Variants in TSC22D1 observed in about 807,000 individuals in gnomAD.
The protein encoded by TSC22D1 is TSC22 domain family protein 1.
A neutral mutation model predicts 74.2 loss-of-function variants in TSC22D1; 9 were observed. The observed-to-expected ratio is 0.12, with a 90% CI of 0.07 to 0.21. The LOEUF (loss-of-function observed/expected upper bound fraction) is 0.21, where lower values mean the gene tolerates loss of function less well. TSC22D1 is among the 10% of genes least tolerant of loss of function. The probability of loss-of-function intolerance (pLI) is 1.00; values close to 1 mark genes in which losing one functional copy is unlikely to be tolerated. For missense variants in TSC22D1, 1,427 were observed against 1,304.7 expected, an observed-to-expected ratio of 1.09 and a Z score of -1.44; for synonymous variants, 586 against 492.5, an observed-to-expected ratio of 1.19 and a Z score of -2.51.
intron 1 of TSC22D1, among the ~76,000 whole-genome samples, chr13:44,455,379 C>G (rs1403265481): frequency 6.6e-6 from 1 of 152,162 alleles, no homozygotes; most frequent in African/African-American, 2.4e-5. Flanking sequence ...TACAAGAGAT[C>G]TCTCTCACTT....
At chr13:44,443,807 G>A (rs1875395996) in intron 1 of TSC22D1, among the ~76,000 whole-genome samples, 1 of 152,192 alleles carries the variant, frequency 6.6e-6, no homozygotes, top group Non-Finnish European at 1.5e-5. Context: ...GAAATATACT[G>A]CTGAGTACAC....
intron 1 of TSC22D1, among the ~76,000 whole-genome samples, chr13:44,480,825 T>C (rs1005168475): frequency 2.6e-5 from 4 of 152,180 alleles, no homozygotes; most frequent in African/African-American, 9.7e-5. Flanking sequence ...TTTTTGGTTG[T>C]TTTACATAGA....
At chr13:44,532,575 G>A (rs542808336) in intron 1 of TSC22D1, among the ~76,000 whole-genome samples, 13 of 152,098 alleles carry the variant, frequency 8.5e-5, no homozygotes, top group Non-Finnish European at 1.6e-4. Context: ...CCAGGTCCTC[G>A]CCATTCTCCT....
rs1877387621 is a variant in TSC22D1, at chr13:44,467,981, G to C, written c.2913-31886C>G. On this transcript the variant is annotated intron_variant, in intron 1 of 2. Transcript: ENST00000458659. Reference sequence around the variant, plus strand: ...ATAATTCACAATTGCAAAAATATGGGATCAACCTATACACACACGCGCACA... The same window carrying C: ...ATAATTCACAATTGCAAAAATATGGCATCAACCTATACACACACGCGCACA... 1.3e-5 allele frequency among the ~76,000 whole-genome samples: 2 copies of C among 151,176 alleles called. 1 individual carries two copies. The highest frequency in any genetic ancestry group is 4.2e-4 in the South Asian group (2 of 4,776).
chr13:44,533,990 G>A (rs938631622), intron 1 of TSC22D1, among the ~76,000 whole-genome samples: 6 of 152,046 alleles, frequency 3.9e-5, no homozygotes, highest in African/African-American at 1.2e-4. Flanking sequence ...GCCCATGCCC[G>A]TAATCTCAAC....
intron 1 of TSC22D1, among the ~76,000 whole-genome samples, chr13:44,504,099 T>C (rs1317964034): frequency 1.3e-5 from 2 of 151,792 alleles, no homozygotes; most frequent in East Asian, 3.9e-4. Context: ...AAGTGCTTCT[T>C]TGTCAGACCC....
At position 44,471,770 on chromosome 13, in the gene TSC22D1, G is replaced by A. The variant is rs922160736; in HGVS notation, c.2913-35675C>T. The stretch of plus-strand genomic sequence containing the variant: ...ATAAAATATTGAAAGCTTATCCTGT[G>A]AAAATATAAACTACCAATTACAGGA... On this transcript the variant is annotated intron_variant, in intron 1 of 2. Transcript: ENST00000458659. Among the ~76,000 whole-genome samples the A allele has an allele frequency of 3.3e-5, 5 of 152,280 alleles. No individual in the cohort carries two copies. The East Asian group carries it at 9.6e-4, about 29-fold the overall frequency.
intron 1 of TSC22D1, among the ~76,000 whole-genome samples, chr13:44,491,584 T>C (rs1179273531): frequency 6.7e-6 from 1 of 149,364 alleles, no homozygotes; most frequent in African/African-American, 2.5e-5. Context: ...AAAGAAAAGA[T>C]TAGTATCCAG....
intron 1 of TSC22D1, among the ~76,000 whole-genome samples, chr13:44,457,733 G>C (rs1390796454): frequency 6.7e-6 from 1 of 150,140 alleles, no homozygotes; most frequent in Non-Finnish European, 1.5e-5. Context: ...TGCAGAATTT[G>C]CTCCTTTTGT....
rs534323263 is a variant in TSC22D1, at chr13:44,503,115, C to T, written c.2913-67020G>A. ...TAAGCCTCTCGAGCCAAACTATAGT[C>T]ATCAGTTGTTAGAGACATGCTAATA... On this transcript the variant is annotated intron_variant, in intron 1 of 2. Transcript: ENST00000458659. 9.2e-5 allele frequency among the ~76,000 whole-genome samples: 14 copies of T among 152,246 alleles called. No individual in the cohort carries two copies. In the South Asian group the frequency reaches 2.9e-3, roughly 32 times the overall value.
At position 44,575,239 on chromosome 13, in the gene TSC22D1, G is replaced by A. The variant is rs557773831; in HGVS notation, c.836C>T (p.Ala279Val). Residue 279 changes from alanine to valine, a missense_variant, in exon 1 of 3, where the codon GCT becomes GTT. By Grantham distance (64) the Ala-to-Val change is moderately conservative (BLOSUM62 0). Around this residue, in one of 3 missense-constraint regions of TSC22D1, gnomAD observed 1,343 missense variants for 1,191.5 expected, o/e 1.13. Transcript: ENST00000458659. ...DSITPVAPTS[A>V]VSSSGSPASV... ...TGCAGGTGAACCACTGGATGATACA[G>A]CAGAAGTTGGTGCAACTGGTGTGAT... 1 of 1,614,088 alleles carries A rather than the reference G, an allele frequency of 6.2e-7. No homozygotes were observed. Among genetic ancestry groups the A allele is most frequent in the South Asian group, 1.1e-5 (1 of 91,086 alleles).
At chr13:44,436,979 CCCCCCACCCCCA>C (rs913597215) in intron 1 of TSC22D1, 4 of 998,556 alleles carry the variant, frequency 4.0e-6, no homozygotes, top group Non-Finnish European at 4.8e-6. Flanking sequence ...TTCCCCGCCT[CCCCCCACCCCCA>C]CCTCCGCCCC....
chr13:44,563,504 A>G (rs1367233620), intron 1 of TSC22D1, among the ~76,000 whole-genome samples: 3 of 152,196 alleles, frequency 2.0e-5, no homozygotes, highest in Non-Finnish European at 4.4e-5. Flanking sequence ...TTTAGTCAAC[A>G]AGTGTTGAGG....
intron 1 of TSC22D1, among the ~76,000 whole-genome samples, chr13:44,484,048 G>A (rs532283438): frequency 2.6e-5 from 4 of 152,172 alleles, no homozygotes; most frequent in South Asian, 2.1e-4. Context: ...TCTTATACAC[G>A]AATCTTGGCC....
chr13:44,474,334 C>T, intron 1 of TSC22D1: 1 of 961,782 alleles, frequency 1.0e-6, no homozygotes, highest in Non-Finnish European at 1.2e-6. Context: ...ACAAGTGCTT[C>T]AGGAAGTAGT....
intron 1 of TSC22D1, chr13:44,451,457 A>T (rs1012060177): frequency 6.6e-6 from 1 of 151,748 alleles, no homozygotes. Context: ...TGATTCTGAC[A>T]TGAGAGTCAA....
rs943387729 is a variant in TSC22D1 at position 44,514,511 on chromosome 13, T to TAC, written c.2912+58650_2912+58651dup. On this transcript the variant is annotated intron_variant, in intron 1 of 2. Coordinates refer to ENST00000458659, the MANE Select transcript of TSC22D1 (RefSeq NM_183422.4). ...AAAGGGCTAATCCAAAACACACACA[T>TAC]ACACACACACACGATGATACAAACT... Among the ~76,000 whole-genome samples the TAC allele has an allele frequency of 4.0e-5, 6 of 151,218 alleles. No homozygotes were observed. The East Asian group carries it at 5.8e-4, about 15-fold the overall frequency.
At chr13:44,444,141 T>C (rs61949765) in intron 1 of TSC22D1, among the ~76,000 whole-genome samples, 16,687 of 151,366 alleles carry the variant, frequency 0.11, 969 homozygotes, top group African/African-American at 0.14. Flanking sequence ...TAGCTGTGCA[T>C]AGTGGCATAC....
At chr13:44,499,752 T>A (rs1349804539) in intron 1 of TSC22D1, among the ~76,000 whole-genome samples, 1 of 152,202 alleles carries the variant, frequency 6.6e-6, no homozygotes, top group Non-Finnish European at 1.5e-5. Context: ...AGGTTTGGGA[T>A]CACTTTATTA....
Sources: allele counts gnomAD v4.1 joint callset (sites outside exome capture counted in the v4.1 genomes callset), GRCh38; gene constraint gnomAD v4.1.1; regional missense constraint gnomAD v4.1.1; transcripts MANE v1.5; gene names NCBI Gene and HGNC (gene_info 2026-07-23, HGNC 2026-07-21).